SIRPD: variants seen among roughly 807,000 people sequenced by gnomAD.
The protein encoded by SIRPD is signal regulatory protein delta.
Under a neutral mutation model 18.0 loss-of-function variants are expected in SIRPD, and 21 were observed. That is an observed-to-expected ratio of 1.17 (90% CI 0.83 to 1.68). SIRPD has a LOEUF of 1.68. Among genes scored for constraint, SIRPD ranks in the 40% most tolerant of loss-of-function variants. SIRPD has a pLI of 0.00. For missense variants in SIRPD, 295 were observed against 238.4 expected (o/e 1.24, Z -1.56); for synonymous variants, 106 against 92.9 (o/e 1.14, Z -0.81).
At chr20:1,546,299 C>G (rs957388608) in intron 2 of SIRPD, among the ~76,000 whole-genome samples, 1 of 152,212 alleles carries the variant, frequency 6.6e-6, no homozygotes, top group Non-Finnish European at 1.5e-5. Flanking sequence ...TGCTGTCTTT[C>G]TTTCAGAGAT....
intron 2 of SIRPD, among the ~76,000 whole-genome samples, chr20:1,542,355 T>A (rs995680726): frequency 6.6e-6 from 1 of 152,200 alleles, no homozygotes; most frequent in African/African-American, 2.4e-5. Context: ...GTCCTTCACA[T>A]CCCTTGTAAG....
chr20:1,540,896 T>C (rs1350792102), intron 2 of SIRPD, among the ~76,000 whole-genome samples: 2 of 152,320 alleles, frequency 1.3e-5, no homozygotes, highest in East Asian at 3.9e-4. Flanking sequence ...GGTGTTTATT[T>C]TTTTGTTCTT....
At chr20:1,539,484 TTTGTTAATCACC>T (rs1348824185) in intron 2 of SIRPD, among the ~76,000 whole-genome samples, 1 of 152,222 alleles carries the variant, frequency 6.6e-6, no homozygotes, top group African/African-American at 2.4e-5. Flanking sequence ...TTACATCAAA[TTTGTTAATCACC>T]TTGATCAAAT....
At chr20:1,553,515 C>T (rs1004395209) in intron 1 of SIRPD, among the ~76,000 whole-genome samples, 28 of 152,120 alleles carry the variant, frequency 1.8e-4, no homozygotes, top group Admixed American at 1.8e-3. Context: ...ACTGGAAGTT[C>T]AGGGTCATGG....
chr20:1,550,178 T>C (rs2091012605), intron 2 of SIRPD, among the ~76,000 whole-genome samples: 1 of 152,180 alleles, frequency 6.6e-6, no homozygotes, highest in Non-Finnish European at 1.5e-5. Context: ...CCTCATCTGA[T>C]AAGGTAGGGT....
chr20:1,557,316 A>G (rs2091045839), intron 1 of SIRPD, among the ~76,000 whole-genome samples: 1 of 152,028 alleles, frequency 6.6e-6, no homozygotes, highest in Non-Finnish European at 1.5e-5. Context: ...CTGGAGGGTG[A>G]GAGCTGTGAT....
intron 2 of SIRPD, among the ~76,000 whole-genome samples, chr20:1,544,902 G>A (rs1254154378): frequency 6.6e-6 from 1 of 152,102 alleles, no homozygotes; most frequent in African/African-American, 2.4e-5. Context: ...ATGAAATTCT[G>A]GGTTGAAAAT....
intron 2 of SIRPD, among the ~76,000 whole-genome samples, chr20:1,549,655 C>T (rs1235354391): frequency 1.3e-5 from 2 of 151,870 alleles, no homozygotes; most frequent in African/African-American, 4.8e-5. Flanking sequence ...ACTTTTCTTC[C>T]CCAGTTTTAG....
chr20:1,549,200 C>A (rs2091007240), intron 2 of SIRPD, among the ~76,000 whole-genome samples: 1 of 151,882 alleles, frequency 6.6e-6, no homozygotes, highest in South Asian at 2.1e-4. Flanking sequence ...TTAATAATTT[C>A]TGTTTATTGA....
chr20:1,538,679 C>A (rs141901806), intron 2 of SIRPD, among the ~76,000 whole-genome samples: 1 of 152,292 alleles, frequency 6.6e-6, no homozygotes, highest in East Asian at 1.9e-4. Flanking sequence ...CCCAAACTAG[C>A]ATGCATGAAG....
At chr20:1,536,602 A>G (rs1297785503) in intron 3 of SIRPD, among the ~76,000 whole-genome samples, 9 of 152,176 alleles carry the variant, frequency 5.9e-5, no homozygotes, top group Non-Finnish European at 1.0e-4. Context: ...TGGGAGACTT[A>G]CTAGTCTAAA....
Position 1,539,447 on chromosome 20 carries a change from T to C in SIRPD, c.422-2137A>G, listed in dbSNP as rs75452866. Among the ~76,000 whole-genome samples the C allele has an allele frequency of 2.4e-4, 36 of 152,344 alleles. No individual in the cohort carries two copies. In the East Asian group the frequency reaches 6.6e-3, roughly 28 times the overall value. On this transcript the variant is annotated intron_variant, in intron 2 of 3. Coordinates refer to ENST00000381623, the MANE Select transcript of SIRPD (RefSeq NM_178460.3). ...ACATGGGCTTGAAAAGGAGCTGTGTTTTTCAGTTGTTGGGTGCAGTGCTCA... is the reference window on the plus strand; with the variant it reads ...ACATGGGCTTGAAAAGGAGCTGTGTCTTTCAGTTGTTGGGTGCAGTGCTCA...
chr20:1,537,346 T>C (rs1555802424), intron 2 of SIRPD, 36 bp from the exon 3 acceptor site: 3 of 1,594,396 alleles, frequency 1.9e-6, no homozygotes, highest in Non-Finnish European at 2.6e-6. Flanking sequence ...TTCCATGATA[T>C]AAGAGGAAGT....
chr20:1,541,362 T>C (rs796884741), intron 2 of SIRPD, among the ~76,000 whole-genome samples: 27 of 152,372 alleles, frequency 1.8e-4, no homozygotes, highest in African/African-American at 6.0e-4. Context: ...TCACTGTGGC[T>C]TTGATTTGCA....
intron 2 of SIRPD, among the ~76,000 whole-genome samples, chr20:1,543,475 T>G (rs1411329360): frequency 6.6e-6 from 1 of 152,110 alleles, no homozygotes; most frequent in Non-Finnish European, 1.5e-5. Flanking sequence ...ATCAGGGTAT[T>G]CCCTTCTTCA....
intron 2 of SIRPD, among the ~76,000 whole-genome samples, chr20:1,548,756 T>TC (rs11481850): frequency 0.43 from 65,956 of 151,930 alleles, 16,502 homozygotes; most frequent in East Asian, 0.78. Context: ...ACACATTTTT[T>TC]CATAGTATTC....
intron 2 of SIRPD, among the ~76,000 whole-genome samples, chr20:1,542,710 T>C (rs2090977837): frequency 1.3e-5 from 2 of 152,218 alleles, no homozygotes; most frequent in South Asian, 2.1e-4. Context: ...CATTCTTGTC[T>C]TGCTCTGGTT....
chr20:1,535,775 T>C (rs1193389867), intron 3 of SIRPD, among the ~76,000 whole-genome samples: 1 of 152,232 alleles, frequency 6.6e-6, no homozygotes, highest in Non-Finnish European at 1.5e-5. Context: ...ATAACCTCCC[T>C]GAGGCTCTGT....
intron 1 of SIRPD, among the ~76,000 whole-genome samples, chr20:1,557,068 C>A (rs2091044563): frequency 6.6e-6 from 1 of 152,038 alleles, no homozygotes. Flanking sequence ...GCCTGGGCAA[C>A]ATGGTGAAAC....
Sources: allele counts gnomAD v4.1 joint callset (sites outside exome capture counted in the v4.1 genomes callset), GRCh38; gene constraint gnomAD v4.1.1; transcripts MANE v1.5; gene names NCBI Gene and HGNC (gene_info 2026-07-23, HGNC 2026-07-21).